Variants in TMC8 observed in about 807,000 individuals in gnomAD.
TMC8 encodes transmembrane channel like 8.
TMC8 carries 71 observed loss-of-function variants against 76.0 expected under a neutral mutation model. The observed-to-expected ratio is 0.93, with a 90% CI of 0.77 to 1.14. TMC8 has a LOEUF of 1.14. Among genes scored for constraint, TMC8 ranks in the 50% most tolerant of loss-of-function variants. The pLI is 0.00. For synonymous variants in TMC8, 433 were observed against 433.8 expected (o/e 1.00, Z 0.02); for missense variants, 924 against 947.9 (o/e 0.97, Z 0.33).
intron 10 of TMC8, 109 bp downstream of exon 10, chr17:78,137,467 C>T: frequency 1.3e-6 from 2 of 1,583,398 alleles, no homozygotes; most frequent in South Asian, 1.1e-5. Context: ...TTGAGAGAAG[C>T]TGTGAGCAGG....
rs754932707 is a variant in TMC8 at position 78,132,889 on chromosome 17, G to A, written c.531+19G>A. On this transcript the variant is annotated intron_variant, in intron 5 of 15. Transcript: ENST00000318430. ...TGGCAGGGTGAGTGAGGTCTGTCCC[G>A]GCTATGGTCCAGAGTCTGGGAGACC... 12 of 1,613,708 alleles carry A rather than the reference G, an allele frequency of 7.4e-6. No homozygotes were observed. The highest frequency in any genetic ancestry group is 1.6e-4 in the Middle Eastern group (1 of 6,062).
At chr17:78,136,945 A>G in intron 9 of TMC8, 1 of 397,742 alleles carries the variant, frequency 2.5e-6, no homozygotes, top group Non-Finnish European at 4.8e-6. Flanking sequence ...CAGGAGGCAG[A>G]GGTGGCAGTG....
In TMC8 at chr17:78,140,370, T is replaced by G. The variant is rs1250386570; in HGVS notation, c.1903-464T>G. Among the ~76,000 whole-genome samples, 6 of 151,248 alleles carry G rather than the reference T, an allele frequency of 4.0e-5. No individual in the cohort carries two copies. In the South Asian group the frequency reaches 8.4e-4, roughly 21 times the overall value. On this transcript the variant is annotated intron_variant, in intron 15 of 15. Transcript: ENST00000318430. ...CGACTTTAGGCTTGGGGCCAGGGGC[T>G]TAATGGAGCTGAGGGAGGAACAGTG...
chr17:78,138,306 G>C (rs2075288374), intron 12 of TMC8, 43 bp from the exon 13 acceptor site: 1 of 1,610,652 alleles, frequency 6.2e-7, no homozygotes. Flanking sequence ...CCTGGGGTCT[G>C]CATAACTCGC....
At chr17:78,134,653 T>C (rs1418152317) in intron 8 of TMC8, 89 bp downstream of exon 8, 19 of 1,564,812 alleles carry the variant, frequency 1.2e-5, no homozygotes, top group East Asian at 1.2e-4. Context: ...AAACCGAGGC[T>C]CAGAGAGGTT....
intron 15 of TMC8, among the ~76,000 whole-genome samples, chr17:78,139,588 AT>A (rs1375270971): frequency 6.6e-6 from 1 of 152,070 alleles, no homozygotes. Context: ...TAAGTAATTA[AT>A]TTTTTAAAAG....
In TMC8 at chr17:78,141,106, G is replaced by A; in HGVS notation, c.2175G>A (p.Glu725=). 6.4e-7 allele frequency: 1 copy of A among 1,567,384 alleles called. No individual in the cohort carries two copies. ...GATTCCGCTTCCCCAGCGGCGCGGA[G>A]CTGTAACCCCTACCCCTGCCTCCCC... ...ARRFRFPSGA[E]L is the part of the protein sequence containing the mutation. The change falls in exon 16 of 16, where the codon GAG becomes GAA. Residue 725 remains glutamate, a synonymous_variant. Coordinates refer to ENST00000318430, the MANE Select transcript of TMC8 (RefSeq NM_152468.5).
At position 78,138,477 on chromosome 17, in the gene TMC8, C is replaced by G. The variant is rs763573052; in HGVS notation, c.1662C>G (p.Ser554Arg). Residue 554 changes from serine to arginine, a missense_variant and splice_region_variant, in exon 13 of 16, where the codon AGC becomes AGG. Ser to Arg is a moderately radical substitution (Grantham distance 110). Transcript: ENST00000318430. ...CAGTGCCCCTGGGCTATGTGGTCAGCAGGTGAGGGGAAGAGGAGGGGGGCA... is the reference window on the plus strand; with the variant it reads ...CAGTGCCCCTGGGCTATGTGGTCAGGAGGTGAGGGGAAGAGGAGGGGGGCA... Reference protein sequence around the residue: ...LAAVPLGYVVSSIHSSWDCGL... With the variant: ...LAAVPLGYVVRSIHSSWDCGL... 6 of 1,613,270 alleles carry G rather than the reference C, an allele frequency of 3.7e-6. No individual in the cohort carries two copies. The African/African-American group carries it at 8.0e-5, about 22-fold the overall frequency.
intron 9 of TMC8, among the ~76,000 whole-genome samples, chr17:78,136,436 C>A (rs370803339): frequency 6.6e-5 from 10 of 152,122 alleles, no homozygotes; most frequent in African/African-American, 2.2e-4. Context: ...CGTCACTGCA[C>A]TCCAGCCTAG....
At chr17:78,137,481 G>T (rs945708210) in intron 10 of TMC8, 123 bp downstream of exon 10, 72 of 1,532,900 alleles carry the variant, frequency 4.7e-5, no homozygotes, top group Non-Finnish European at 6.2e-5. Context: ...GAGCAGGGCT[G>T]CCTGCACCGC....
chr17:78,137,147 A>C (rs940019357), intron 9 of TMC8, 88 bp from the exon 10 acceptor site: 179 of 1,578,398 alleles, frequency 1.1e-4, no homozygotes, highest in Non-Finnish European at 1.5e-4. Flanking sequence ...ACATGATCCC[A>C]CTCGGACATC....
At chr17:78,137,197 G>A (rs200092158) in intron 9 of TMC8, 38 bp from the exon 10 acceptor site, 4 of 1,611,758 alleles carry the variant, frequency 2.5e-6, no homozygotes, top group Non-Finnish European at 3.4e-6. Flanking sequence ...GTGCCCATGT[G>A]CCTGGGCCCC....
Position 78,134,478 on chromosome 17 carries a change from C to A in TMC8, c.901C>A (p.Arg301=), listed in dbSNP as rs778554801. 1.9e-6 allele frequency: 3 copies of A among 1,614,022 alleles called. No individual in the cohort carries two copies. The highest frequency in any genetic ancestry group is 2.5e-6 in the Non-Finnish European group (3 of 1,180,046). ...GGCCTGCCGCCTGCTCTCCTACCTG[C>A]GGGTCAACGTACTCAACGGGCTCCT... ...QTACRLLSYL[R]VNVLNGLLVV... The change falls in exon 8 of 16, where the codon CGG becomes AGG. Residue 301 remains arginine (R), a synonymous_variant. Coordinates refer to ENST00000318430, the MANE Select transcript of TMC8 (RefSeq NM_152468.5).
At chr17:78,137,032 A>C (rs2075250690) in intron 9 of TMC8, 2 of 692,444 alleles carry the variant, frequency 2.9e-6, no homozygotes, top group Admixed American at 5.2e-5. Flanking sequence ...AAAACACAGA[A>C]CCCTTTTTCC....
At position 78,131,353 on chromosome 17, in the gene TMC8, G is replaced by A. The variant is rs2074959200; in HGVS notation, c.-236G>A. 1 of 612,692 alleles carries A rather than the reference G, an allele frequency of 1.6e-6. No individual in the cohort carries two copies. Among genetic ancestry groups the A allele is most frequent in the Non-Finnish European group, 2.9e-6 (1 of 349,952 alleles). 38.0% of individuals were successfully genotyped at this position (612,692 alleles called of 1,614,324 possible). A position where few individuals can be genotyped will look rare whatever the true frequency, so the allele number is the denominator to read the frequency against. On this transcript the variant is annotated 5_prime_UTR_variant, in exon 2 of 16. Transcript: ENST00000318430. ...GGGGCTGGGCCCGAATTCGACCGCA[G>A]CAGGATTCTCTCTCATTTCTGAGCC... is the stretch of plus-strand genomic sequence containing the variant.
In TMC8 at chr17:78,137,791, C is replaced by T; in HGVS notation, c.1326C>T (p.Ala442=). 1 of 1,613,572 alleles carries T rather than the reference C, an allele frequency of 6.2e-7. No homozygotes were observed. The highest frequency in any genetic ancestry group is 8.5e-7 in the Non-Finnish European group (1 of 1,180,032). Residue 442 remains alanine, a synonymous_variant, in exon 11 of 16, where the codon GCC becomes GCT. Coordinates refer to ENST00000318430, the MANE Select transcript of TMC8 (RefSeq NM_152468.5). ...IFNFLLTVAF[A]FLVTLPRRLL... ...ACTTCCTCCTCACCGTGGCCTTCGCCTTCCTGGTCACCCTGCCTCGGAGGT... is the reference window on the plus strand; with the variant it reads ...ACTTCCTCCTCACCGTGGCCTTCGCTTTCCTGGTCACCCTGCCTCGGAGGT...
At chr17:78,131,768 T>C in intron 2 of TMC8, 31 bp downstream of exon 2, 13 of 1,561,042 alleles carry the variant, frequency 8.3e-6, no homozygotes, top group Non-Finnish European at 1.1e-5. Context: ...AGACGGTGCG[T>C]GGGGGGGGTG....
rs905969219 is a variant in TMC8 at position 78,131,900 on chromosome 17, G to A, written c.168G>A (p.Ala56=). Residue 56 remains alanine (A), a synonymous_variant, in exon 3 of 16, where the codon GCG becomes GCA. Transcript: ENST00000318430. ...CGTCCAGGCAGCTGCGGGAGCCCGC[G>A]GGGGTGCAGACCTTGCGCTGGCAGC... ...KRLIWQLREP[A]GVQTLRWQRW... 4.9e-5 allele frequency: 72 copies of A among 1,472,300 alleles called. No homozygotes were observed. The highest frequency in any genetic ancestry group is 6.2e-5 in the Non-Finnish European group (69 of 1,118,756). 91.2% of individuals were successfully genotyped at this position (1,472,300 alleles called of 1,614,324 possible). A position where few individuals can be genotyped will look rare whatever the true frequency, so the allele number is the denominator to read the frequency against.
At chr17:78,132,155 C>A (rs1461042342) in intron 3 of TMC8, 125 bp downstream of exon 3, 12 of 1,447,054 alleles carry the variant, frequency 8.3e-6, no homozygotes, top group Non-Finnish European at 1.1e-5. Context: ...CGGCCCCTCC[C>A]CCCTCCCACC....
Sources: allele counts gnomAD v4.1 joint callset (sites outside exome capture counted in the v4.1 genomes callset), GRCh38; gene constraint gnomAD v4.1.1; transcripts MANE v1.5; gene names NCBI Gene and HGNC (gene_info 2026-07-23, HGNC 2026-07-21).